MAGI3: variants seen among roughly 807,000 people sequenced by gnomAD.
MAGI3 encodes the protein membrane-associated guanylate kinase, WW and PDZ domain-containing protein 3.
Under a neutral mutation model 121.8 loss-of-function variants are expected in MAGI3, and 43 were observed. The observed-to-expected ratio is 0.35, with a 90% CI of 0.28 to 0.46. MAGI3 has a LOEUF of 0.46. Among genes scored for constraint, MAGI3 ranks in the 20% least tolerant of loss-of-function variants. The pLI, the probability that MAGI3 is intolerant of heterozygous loss-of-function variation, is 1.00. For missense variants in MAGI3, 1,547 were observed against 1,797.3 expected, an observed-to-expected ratio of 0.86 and a Z score of 2.52; for synonymous variants, 553 against 639.3, an observed-to-expected ratio of 0.86 and a Z score of 2.04.
intron 14 of MAGI3, among the ~76,000 whole-genome samples, chr1:113,653,192 A>C (rs1283599041): frequency 2.0e-5 from 3 of 152,236 alleles, no homozygotes; most frequent in Non-Finnish European, 4.4e-5. Context: ...TATATTTATA[A>C]TTGATTTTAA....
intron 8 of MAGI3, among the ~76,000 whole-genome samples, chr1:113,621,354 T>C (rs1035056397): frequency 5.3e-5 from 8 of 152,104 alleles, no homozygotes; most frequent in African/African-American, 1.4e-4. Flanking sequence ...AAGTTGAAGA[T>C]TGAAAAATAT....
chr1:113,565,166 A>G (rs1660392670), intron 2 of MAGI3, among the ~76,000 whole-genome samples: 1 of 152,086 alleles, frequency 6.6e-6, no homozygotes. Context: ...TGAAATTTTA[A>G]AGCACAAAGT....
At chr1:113,540,499 T>C (rs1269236069) in intron 1 of MAGI3, among the ~76,000 whole-genome samples, 1 of 152,222 alleles carries the variant, frequency 6.6e-6, no homozygotes, top group Non-Finnish European at 1.5e-5. Flanking sequence ...TGCTTTAACC[T>C]TATTTATGTG....
intron 3 of MAGI3, among the ~76,000 whole-genome samples, chr1:113,584,971 T>TAA (rs1345884226): frequency 4.2e-5 from 6 of 141,504 alleles, no homozygotes; most frequent in Non-Finnish European, 9.2e-5. Context: ...TATTTCCTTT[T>TAA]TTTTTTTTTT....
At chr1:113,642,542 A>T in intron 10 of MAGI3, 26 bp downstream of exon 10, 1 of 1,585,380 alleles carries the variant, frequency 6.3e-7, no homozygotes, top group Non-Finnish European at 8.6e-7. Flanking sequence ...ACATAGAAAA[A>T]GTTTCAGTGT....
intron 1 of MAGI3, among the ~76,000 whole-genome samples, chr1:113,455,101 G>A (rs1469852630): frequency 6.6e-6 from 1 of 151,912 alleles, no homozygotes; most frequent in Non-Finnish European, 1.5e-5. Flanking sequence ...AAAATAAGCT[G>A]GAGGAAGGAA....
intron 1 of MAGI3, among the ~76,000 whole-genome samples, chr1:113,482,645 CTT>C (rs59465922): frequency 0.17 from 21,345 of 122,216 alleles, 2,614 homozygotes; most frequent in East Asian, 0.67. Flanking sequence ...CCTCAACCTA[CTT>C]TTTTTTTTTT....
chr1:113,681,948 A>G (rs1648242093), intron 20 of MAGI3, among the ~76,000 whole-genome samples: 1 of 152,092 alleles, frequency 6.6e-6, no homozygotes, highest in East Asian at 1.9e-4. Flanking sequence ...GCACTATTCT[A>G]GAAATAAAGG....
chr1:113,513,662 A>T (rs1657733455), intron 1 of MAGI3, among the ~76,000 whole-genome samples: 1 of 152,154 alleles, frequency 6.6e-6, no homozygotes, highest in Non-Finnish European at 1.5e-5. Flanking sequence ...TAGACCTAAA[A>T]CCATAAAAAC....
intron 1 of MAGI3, among the ~76,000 whole-genome samples, chr1:113,511,272 C>T (rs1462702291): frequency 6.6e-6 from 1 of 152,052 alleles, no homozygotes; most frequent in East Asian, 1.9e-4. Context: ...GGGAGGTAAC[C>T]TTAAAGTATG....
chr1:113,682,125 A>ATATGTTCCCAGTGACATCTT, intron 20 of MAGI3: 1 of 1,444,984 alleles, frequency 6.9e-7, no homozygotes, highest in Non-Finnish European at 9.4e-7. Flanking sequence ...CTTGTAAATC[A>ATATGTTCCCAGTGACATCTT]TATGTTCCCA....
chr1:113,538,970 C>T (rs914908692), intron 1 of MAGI3, among the ~76,000 whole-genome samples: 1 of 152,064 alleles, frequency 6.6e-6, no homozygotes, highest in Admixed American at 6.5e-5. Flanking sequence ...CCATTAATGA[C>T]ATTTAAAGGG....
At chr1:113,436,513 G>C (rs1653573279) in intron 1 of MAGI3, among the ~76,000 whole-genome samples, 1 of 151,974 alleles carries the variant, frequency 6.6e-6, no homozygotes, top group African/African-American at 2.4e-5. Context: ...TCAGCAAGGA[G>C]GTTTAAAGTA....
At chr1:113,580,439 A>G in intron 2 of MAGI3, 103 bp from the exon 3 acceptor site, 1 of 1,005,660 alleles carries the variant, frequency 9.9e-7, no homozygotes, top group Non-Finnish European at 1.4e-6. Flanking sequence ...GGGGAATGAA[A>G]CATCTCTTAT....
At chr1:113,644,353 T>G (rs748636077) in intron 11 of MAGI3, among the ~76,000 whole-genome samples, 1 of 152,212 alleles carries the variant, frequency 6.6e-6, no homozygotes, top group Non-Finnish European at 1.5e-5. Context: ...CTATCTCGGC[T>G]CACTGCAACC....
At chr1:113,527,639 A>G (rs1191699217) in intron 1 of MAGI3, among the ~76,000 whole-genome samples, 1 of 152,196 alleles carries the variant, frequency 6.6e-6, no homozygotes, top group South Asian at 2.1e-4. Flanking sequence ...ATGAAAGAAA[A>G]TCATTCATCT....
intron 15 of MAGI3, 23 bp from the exon 16 acceptor site, chr1:113,659,057 A>T: frequency 6.4e-7 from 1 of 1,560,864 alleles, no homozygotes; most frequent in Non-Finnish European, 8.7e-7. Flanking sequence ...TAATTGAAAA[A>T]CCTGGGGTTT....
chr1:113,631,306 T>C (rs1651616490), intron 9 of MAGI3, among the ~76,000 whole-genome samples: 1 of 152,182 alleles, frequency 6.6e-6, no homozygotes, highest in African/African-American at 2.4e-5. Context: ...TTTTGTCTCT[T>C]GTAACGGTAC....
intron 2 of MAGI3, among the ~76,000 whole-genome samples, chr1:113,556,520 A>T (rs1659998697): frequency 6.7e-6 from 1 of 148,304 alleles, no homozygotes; most frequent in South Asian, 2.2e-4. Context: ...TGAAAATCCT[A>T]TAGATGTTAA....
Sources: allele counts gnomAD v4.1 joint callset (sites outside exome capture counted in the v4.1 genomes callset), GRCh38; gene constraint gnomAD v4.1.1; transcripts MANE v1.5; gene names NCBI Gene and HGNC (gene_info 2026-07-23, HGNC 2026-07-21).